RNF144A: variants seen among roughly 807,000 people sequenced by gnomAD.
RNF144A encodes ring finger protein 144A.
Under a neutral mutation model 38.7 loss-of-function variants are expected in RNF144A, and 11 were observed. The observed-to-expected ratio is 0.28, with a 90% confidence interval of 0.18 to 0.47. The LOEUF is 0.47. Among genes scored for constraint, RNF144A ranks in the 20% least tolerant of loss-of-function variants. The probability of loss-of-function intolerance (pLI) is 0.99; values close to 1 mark genes in which losing one functional copy is unlikely to be tolerated. For missense variants in RNF144A, 316 were observed against 377.2 expected, an observed-to-expected ratio of 0.84 and a Z score of 1.34; for synonymous variants, 149 against 143.9, an observed-to-expected ratio of 1.04 and a Z score of -0.25.
intron 1 of RNF144A, among the ~76,000 whole-genome samples, chr2:6,939,147 G>C (rs1274065559): frequency 6.6e-6 from 1 of 152,162 alleles, no homozygotes; most frequent in Non-Finnish European, 1.5e-5. Flanking sequence ...TCAACACTTT[G>C]AGGAGCTGCC....
At chr2:7,073,222 A>G (rs1280095157), downstream of RNF144A, among the ~76,000 whole-genome samples, 1 of 152,182 alleles carries the variant, frequency 6.6e-6, no homozygotes, top group Non-Finnish European at 1.5e-5. Context: ...CAGCTCATGC[A>G]GTAGCCCCTG....
downstream of RNF144A, among the ~76,000 whole-genome samples, chr2:7,068,491 G>A (rs950684630): frequency 1.3e-5 from 2 of 152,194 alleles, no homozygotes; most frequent in South Asian, 4.1e-4. Context: ...AGCAGAAGAA[G>A]CAGAAAGAGA....
At chr2:6,974,262 G>A (rs1314729212) in intron 2 of RNF144A, among the ~76,000 whole-genome samples, 2 of 152,156 alleles carry the variant, frequency 1.3e-5, no homozygotes, top group Admixed American at 1.3e-4. Flanking sequence ...TATGACCATC[G>A]TGCCACATGC....
chr2:6,971,952 A>G (rs1668022828), intron 2 of RNF144A, among the ~76,000 whole-genome samples: 1 of 152,280 alleles, frequency 6.6e-6, no homozygotes, highest in South Asian at 2.1e-4. Flanking sequence ...AATAGTTTGC[A>G]AAAAGGGGGA....
At chr2:6,985,828 G>T (rs72781751) in intron 2 of RNF144A, among the ~76,000 whole-genome samples, 9,039 of 152,016 alleles carry the variant, frequency 0.059, 295 homozygotes, top group African/African-American at 0.072. Flanking sequence ...GCGCACCATC[G>T]CACCCGGCTA....
intron 3 of RNF144A, among the ~76,000 whole-genome samples, chr2:7,001,607 G>T (rs188989287): frequency 1.3e-5 from 2 of 152,244 alleles, no homozygotes; most frequent in East Asian, 3.9e-4. Flanking sequence ...AGCCCAGGAG[G>T]TCGAGGCCGC....
chr2:6,972,976 G>C (rs1038439612), intron 2 of RNF144A, among the ~76,000 whole-genome samples: 3 of 152,364 alleles, frequency 2.0e-5, no homozygotes, highest in South Asian at 4.1e-4. Context: ...GGTTGACTCT[G>C]TTTGAAGCTA....
chr2:6,919,265 G>T (rs984791558), intron 1 of RNF144A, among the ~76,000 whole-genome samples: 1 of 152,192 alleles, frequency 6.6e-6, no homozygotes, highest in Non-Finnish European at 1.5e-5. Context: ...GGGACAAGGT[G>T]TGTGACACCG....
Position 7,040,361 on chromosome 2 carries a change from A to C in RNF144A, c.*601A>C, listed in dbSNP as rs1672972351. On this transcript the variant is annotated 3_prime_UTR_variant, in exon 9 of 9. Transcript: ENST00000320892. ...TTATAGTTAAACGACTTTTCAGGAGATTTAGAAAGCCTTATGCACTCTTTG... is the reference window on the plus strand; with the variant it reads ...TTATAGTTAAACGACTTTTCAGGAGCTTTAGAAAGCCTTATGCACTCTTTG... 1.0e-6 allele frequency: 1 copy of C among 985,494 alleles called. No homozygotes were observed. Among genetic ancestry groups the C allele is most frequent in the East Asian group, 1.1e-4 (1 of 8,822 alleles). The allele number at this position is 985,494 out of a possible 1,614,324, so 61.0% of individuals were successfully genotyped here.
At chr2:6,983,661 C>G (rs374734604) in intron 2 of RNF144A, among the ~76,000 whole-genome samples, 2 of 152,202 alleles carry the variant, frequency 1.3e-5, no homozygotes, top group East Asian at 1.9e-4. Context: ...CTGACTGTTT[C>G]TGAGCCTTGT....
intron 6 of RNF144A, among the ~76,000 whole-genome samples, chr2:7,052,292 A>G (rs1673562083): frequency 6.6e-6 from 1 of 152,216 alleles, no homozygotes; most frequent in African/African-American, 2.4e-5. Flanking sequence ...CTCACTGCCT[A>G]GCATCTAACA....
chr2:7,006,815 G>A (rs1229634903), intron 3 of RNF144A, among the ~76,000 whole-genome samples: 1 of 152,072 alleles, frequency 6.6e-6, no homozygotes, highest in African/African-American at 2.4e-5. Context: ...CATTGAGGAG[G>A]TAGGTGTCCC....
At chr2:7,014,408 T>G (rs1572403176) in intron 3 of RNF144A, 46 bp from the exon 4 acceptor site, 1 of 1,267,708 alleles carries the variant, frequency 7.9e-7, no homozygotes, top group African/African-American at 1.5e-5. Context: ...TCTTCAGCAT[T>G]AAGGAGGTAA....
chr2:6,943,103 C>A lies in RNF144A; in HGVS notation c.-12+1956C>A, dbSNP rs559712314. On this transcript the variant is annotated intron_variant, in intron 2 of 8. Coordinates refer to ENST00000320892, the MANE Select transcript of RNF144A (RefSeq NM_014746.6). The surrounding 1 kb of genome is among the most constrained non-coding windows in gnomAD (Gnocchi z 4.3). The stretch of plus-strand genomic sequence containing the variant: ...ATCCAGATCTGATCGTTTAAGAGGG[C>A]GGTATGTGCTGGAGATGTGATAGGA... Among the ~76,000 whole-genome samples the A allele has an allele frequency of 2.0e-5, 3 of 152,124 alleles. No homozygotes were observed. Among genetic ancestry groups the A allele is most frequent in the Admixed American group, 6.5e-5 (1 of 15,276 alleles).
chr2:7,073,907 T>A, the RNF144A span, among the ~76,000 whole-genome samples: 1 of 152,228 alleles, frequency 6.6e-6, no homozygotes, highest in Admixed American at 6.5e-5. Flanking sequence ...ATCAGCTCTT[T>A]TTTGAGCATA....
intron 8 of RNF144A, among the ~76,000 whole-genome samples, chr2:7,038,784 A>AGATGGGTG (rs1220031210): frequency 6.6e-6 from 1 of 152,204 alleles, no homozygotes; most frequent in Non-Finnish European, 1.5e-5. Flanking sequence ...TTAGATGGAT[A>AGATGGGTG]GATGGGTGGA....
In RNF144A at chr2:7,039,621, T is replaced by C; in HGVS notation, c.748-8T>C. The C allele has an allele frequency of 6.2e-7, 1 of 1,613,904 alleles. No individual in the cohort carries two copies. The highest frequency in any genetic ancestry group is 1.1e-5 in the South Asian group (1 of 91,072). On this transcript the variant is annotated splice_region_variant and splice_polypyrimidine_tract_variant and intron_variant, in intron 8 of 8. Transcript: ENST00000320892. The stretch of plus-strand genomic sequence containing the variant: ...CCTTACCTCTACCCCTTTGTTTCTT[T>C]CTTCCAGGTTGTGGGCATTTTTGCA...
intron 6 of RNF144A, among the ~76,000 whole-genome samples, chr2:7,061,653 C>G (rs979706131): frequency 5.3e-5 from 8 of 152,178 alleles, no homozygotes; most frequent in Non-Finnish European, 1.2e-4. Context: ...GCACACCACT[C>G]TTTAGGGCCT....
intron 6 of RNF144A, among the ~76,000 whole-genome samples, chr2:7,056,520 C>G (rs1673745491): frequency 6.6e-6 from 1 of 152,210 alleles, no homozygotes. Context: ...ACCATCCCTC[C>G]TCAGCCCACC....
Sources: gnomAD v4.1 joint callset for allele counts (sites outside exome capture counted in the v4.1 genomes callset) on GRCh38, gnomAD v4.1.1 for gene constraint, Gnocchi (gnomAD v3.1) non-coding constraint, MANE v1.5 for transcripts, NCBI Gene and HGNC (gene_info 2026-07-23, HGNC 2026-07-21) for gene names.